Variants in SLIT3 observed in about 807,000 individuals in gnomAD.
The protein encoded by SLIT3 is slit guidance ligand 3.
Under a neutral mutation model 184.0 loss-of-function variants are expected in SLIT3, and 68 were observed. That is an observed-to-expected ratio of 0.37 (90% CI 0.30 to 0.45). The LOEUF is 0.45. Among genes scored for constraint, SLIT3 ranks in the 20% least tolerant of loss-of-function variants. The pLI is 1.00. For synonymous variants in SLIT3, 831 were observed against 828.6 expected (o/e 1.00, Z -0.05); for missense variants, 1,707 against 2,026.0 (o/e 0.84, Z 3.02).
At chr5:168,953,585 TTAAG>T (rs1350614945) in intron 4 of SLIT3, among the ~76,000 whole-genome samples, 3 of 152,314 alleles carry the variant, frequency 2.0e-5, no homozygotes, top group African/African-American at 7.2e-5. Flanking sequence ...GCTGTGGCAA[TTAAG>T]TAAGATAATT....
At chr5:168,762,793 G>T in intron 14 of SLIT3, 104 bp from the exon 15 acceptor site, 1 of 1,101,306 alleles carries the variant, frequency 9.1e-7, no homozygotes, top group South Asian at 1.4e-5. Flanking sequence ...AATGAGTTGG[G>T]GGCTGTTAGG....
intron 4 of SLIT3, among the ~76,000 whole-genome samples, chr5:169,167,470 G>T (rs1420792901): frequency 1.3e-5 from 2 of 151,590 alleles, no homozygotes; most frequent in Non-Finnish European, 1.5e-5. Context: ...TAGAGACGGG[G>T]TTTCACCGTG....
At chr5:168,897,647 T>TGCGCGCGCACACACACACAC (rs3223457) in intron 4 of SLIT3, among the ~76,000 whole-genome samples, 1 of 141,528 alleles carries the variant, frequency 7.1e-6, no homozygotes, top group African/African-American at 2.6e-5. Flanking sequence ...CAGGTGCACG[T>TGCGCGCGCACACACACACAC]ACACACACAC....
rs565086949 is a variant in SLIT3 at position 169,086,403 on chromosome 5, C to T, written c.413+107076G>A. 1.1e-4 allele frequency among the ~76,000 whole-genome samples: 17 copies of T among 152,290 alleles called. No individual in the cohort carries two copies. In the South Asian group the frequency reaches 2.3e-3, roughly 20 times the overall value. On this transcript the variant is annotated intron_variant, in intron 4 of 35. Transcript: ENST00000519560. ...CCCACAGGTATCTAACTAGTTAATG[C>T]ATGTGTTCTGGAAATATAACACCAA...
At chr5:168,683,321 G>C (rs1411652989) in intron 32 of SLIT3, among the ~76,000 whole-genome samples, 2 of 147,146 alleles carry the variant, frequency 1.4e-5, no homozygotes. Flanking sequence ...AGTGAGCCGA[G>C]ATTGCTCCAT....
At chr5:168,956,512 G>C (rs757693187) in intron 4 of SLIT3, among the ~76,000 whole-genome samples, 1 of 152,130 alleles carries the variant, frequency 6.6e-6, no homozygotes, top group Non-Finnish European at 1.5e-5. Context: ...AATCACAGAG[G>C]GGGCCAGGCA....
At chr5:168,788,385 G>GT (rs1461008029) in intron 11 of SLIT3, among the ~76,000 whole-genome samples, 1 of 152,180 alleles carries the variant, frequency 6.6e-6, no homozygotes, top group Non-Finnish European at 1.5e-5. Context: ...ATGGGGCCAG[G>GT]TGGGGGGAAT....
intron 4 of SLIT3, among the ~76,000 whole-genome samples, chr5:168,937,687 G>C (rs577847535): frequency 6.6e-6 from 1 of 152,220 alleles, no homozygotes; most frequent in African/African-American, 2.4e-5. Context: ...AGGATCCCAG[G>C]TCGGTCACTG....
At chr5:169,125,995 T>G (rs73802486) in intron 4 of SLIT3, among the ~76,000 whole-genome samples, 1 of 152,112 alleles carries the variant, frequency 6.6e-6, no homozygotes, top group Non-Finnish European at 1.5e-5. Context: ...AACTTCATTT[T>G]GCAAGCTTGC....
chr5:169,273,328 C>T (rs1766693079), intron 1 of SLIT3, among the ~76,000 whole-genome samples: 1 of 152,206 alleles, frequency 6.6e-6, no homozygotes, highest in South Asian at 2.1e-4. Flanking sequence ...TTTGTATCCT[C>T]ATCTCAGAGA....
chr5:169,177,271 A>T (rs1307610842), intron 4 of SLIT3, among the ~76,000 whole-genome samples: 1 of 152,216 alleles, frequency 6.6e-6, no homozygotes, highest in African/African-American at 2.4e-5. Flanking sequence ...CAGATAAATA[A>T]ATAAGAGGCC....
chr5:169,191,044 T>C (rs2113464859), intron 4 of SLIT3, among the ~76,000 whole-genome samples: 1 of 152,320 alleles, frequency 6.6e-6, no homozygotes, highest in East Asian at 1.9e-4. Flanking sequence ...AAGTGTGTCA[T>C]AATAGGGCAC....
intron 4 of SLIT3, among the ~76,000 whole-genome samples, chr5:169,077,080 A>C (rs764041833): frequency 6.6e-6 from 1 of 152,158 alleles, no homozygotes; most frequent in Non-Finnish European, 1.5e-5. Context: ...CTGAGACAGC[A>C]AGAACAAACT....
intron 4 of SLIT3, among the ~76,000 whole-genome samples, chr5:169,082,140 C>A (rs1390871354): frequency 6.6e-6 from 1 of 152,214 alleles, no homozygotes; most frequent in Non-Finnish European, 1.5e-5. Context: ...TTAGCAGGGA[C>A]TCCACAGGCC....
At chr5:169,123,742 C>T (rs916936994) in intron 4 of SLIT3, among the ~76,000 whole-genome samples, 2 of 152,132 alleles carry the variant, frequency 1.3e-5, no homozygotes, top group South Asian at 2.1e-4. Context: ...AAGGCACAAT[C>T]AAAGCAATGG....
intron 8 of SLIT3, among the ~76,000 whole-genome samples, chr5:168,813,015 G>A (rs1018383439): frequency 2.0e-5 from 3 of 152,124 alleles, no homozygotes; most frequent in Non-Finnish European, 4.4e-5. Context: ...CTAGGCATTT[G>A]GGGCACCTGA....
intron 4 of SLIT3, among the ~76,000 whole-genome samples, chr5:169,114,567 G>C (rs1037926303): frequency 2.0e-5 from 3 of 152,210 alleles, no homozygotes; most frequent in Non-Finnish European, 4.4e-5. Flanking sequence ...CCATGAAGCT[G>C]AGCAGTACAC....
intron 4 of SLIT3, among the ~76,000 whole-genome samples, chr5:168,890,181 T>C (rs1260151634): frequency 6.7e-6 from 1 of 150,204 alleles, no homozygotes; most frequent in Non-Finnish European, 1.5e-5. Flanking sequence ...CCAGTTTCAC[T>C]GTTTCTCCGT....
chr5:169,230,849 T>TA (rs1561754165), intron 3 of SLIT3, among the ~76,000 whole-genome samples: 1 of 152,134 alleles, frequency 6.6e-6, no homozygotes, highest in Non-Finnish European at 1.5e-5. Flanking sequence ...ACTTTTTTTT[T>TA]AAATATGCAT....
Sources: allele counts gnomAD v4.1 joint callset (sites outside exome capture counted in the v4.1 genomes callset), GRCh38; gene constraint gnomAD v4.1.1; transcripts MANE v1.5; gene names NCBI Gene and HGNC (gene_info 2026-07-23, HGNC 2026-07-21).